Variants in DPP6 observed in about 807,000 individuals in gnomAD.
DPP6 encodes A-type potassium channel modulatory protein DPP6.
DPP6 carries 69 observed loss-of-function variants against 122.6 expected under a neutral mutation model. The ratio of observed to expected loss-of-function variants is 0.56; its 90% CI spans 0.46 to 0.69. The LOEUF (loss-of-function observed/expected upper bound fraction) is 0.69, where lower values mean the gene tolerates loss of function less well. Among genes scored for constraint, DPP6 ranks in the 30% least tolerant of loss-of-function variants. The pLI is 0.00. For synonymous variants in DPP6, 418 were observed against 433.1 expected (o/e 0.97, Z 0.43); for missense variants, 928 against 1,116.9 (o/e 0.83, Z 2.41).
intron 1 of DPP6, among the ~76,000 whole-genome samples, chr7:154,346,171 C>T (rs1810378241): frequency 6.6e-6 from 1 of 152,204 alleles, no homozygotes; most frequent in Non-Finnish European, 1.5e-5. Context: ...GTATATCTCA[C>T]TCTTTCTCAG....
rs532708495 is a variant in DPP6 at position 154,286,369 on chromosome 7, A to T, written c.244-159845A>T. Among the ~76,000 whole-genome samples, 5 of 152,276 alleles carry T rather than the reference A, an allele frequency of 3.3e-5. No individual in the cohort carries two copies. The South Asian group carries it at 8.3e-4, about 25-fold the overall frequency. On this transcript the variant is annotated intron_variant, in intron 1 of 25. Transcript: ENST00000377770. ...TCATGTGCATTCAGGACAGACATTGAGGCTTAGGGTCAGGCTGTAGGTGGC... is the reference window on the plus strand; with the variant it reads ...TCATGTGCATTCAGGACAGACATTGTGGCTTAGGGTCAGGCTGTAGGTGGC...
At chr7:154,148,091 T>C (rs543211501) in intron 1 of DPP6, among the ~76,000 whole-genome samples, 3 of 148,374 alleles carry the variant, frequency 2.0e-5, no homozygotes, top group African/African-American at 7.9e-5. Flanking sequence ...GCTGAGGTCC[T>C]ATGGCCGCTC....
At chr7:154,767,512 C>T (rs1029851971) in intron 8 of DPP6, among the ~76,000 whole-genome samples, 1 of 152,256 alleles carries the variant, frequency 6.6e-6, no homozygotes, top group Non-Finnish European at 1.5e-5. Context: ...GCTGCCAAAG[C>T]GACTGGAAAA....
chr7:153,945,552 T>A (rs866277324), intron 1 of DPP6, among the ~76,000 whole-genome samples: 36 of 152,294 alleles, frequency 2.4e-4, no homozygotes, highest in Admixed American at 5.2e-4. Context: ...AGAGAGCACC[T>A]CGTATAAGAA....
intron 1 of DPP6, among the ~76,000 whole-genome samples, chr7:154,046,847 C>T (rs1208556447): frequency 1.3e-5 from 2 of 152,172 alleles, no homozygotes; most frequent in African/African-American, 4.8e-5. Flanking sequence ...TCCAGATGCA[C>T]ATTTTAGAAA....
chr7:153,953,563 C>T (rs192856680), intron 1 of DPP6, among the ~76,000 whole-genome samples: 1 of 152,294 alleles, frequency 6.6e-6, no homozygotes, highest in East Asian at 1.9e-4. Context: ...TGTGCCCTCG[C>T]TGCATGGGCC....
chr7:154,579,356 AAAAAG>A (rs1367301420), intron 5 of DPP6, among the ~76,000 whole-genome samples: 1 of 152,178 alleles, frequency 6.6e-6, no homozygotes, highest in Non-Finnish European at 1.5e-5. Context: ...TCTCAAAATA[AAAAAG>A]AAAAGAAAAA....
intron 1 of DPP6, among the ~76,000 whole-genome samples, chr7:154,266,993 C>A (rs1159406878): frequency 6.6e-6 from 1 of 152,118 alleles, no homozygotes; most frequent in East Asian, 1.9e-4. Context: ...AAACATCCTC[C>A]TTTTCCAACT....
intron 1 of DPP6, among the ~76,000 whole-genome samples, chr7:154,280,966 C>G (rs1248935435): frequency 2.0e-5 from 3 of 150,720 alleles, no homozygotes; most frequent in Non-Finnish European, 4.4e-5. Flanking sequence ...GTAACAAGAA[C>G]ACAATTTTAT....
chr7:154,765,345 A>T (rs749424285), intron 8 of DPP6, among the ~76,000 whole-genome samples: 34 of 152,178 alleles, frequency 2.2e-4, no homozygotes, highest in Non-Finnish European at 3.2e-4. Context: ...AGCAGCACAC[A>T]CATGCGCACA....
At chr7:154,724,860 C>T (rs752833352) in intron 7 of DPP6, among the ~76,000 whole-genome samples, 1 of 152,108 alleles carries the variant, frequency 6.6e-6, no homozygotes, top group Non-Finnish European at 1.5e-5. Context: ...GTGATGGTTG[C>T]ACAAAAATAT....
At chr7:154,339,491 C>G (rs1292306363) in intron 1 of DPP6, among the ~76,000 whole-genome samples, 1 of 152,186 alleles carries the variant, frequency 6.6e-6, no homozygotes, top group African/African-American at 2.4e-5. Context: ...GTCTACTTCC[C>G]GTAGGCTCCT....
At chr7:154,554,416 A>T (rs543860992) in intron 4 of DPP6, among the ~76,000 whole-genome samples, 1 of 152,056 alleles carries the variant, frequency 6.6e-6, no homozygotes, top group Admixed American at 6.6e-5. Flanking sequence ...GGGTATATTT[A>T]TGCTTTCTAC....
intron 1 of DPP6, among the ~76,000 whole-genome samples, chr7:154,015,511 T>A (rs112851305): frequency 6.6e-6 from 1 of 152,160 alleles, no homozygotes; most frequent in South Asian, 2.1e-4. Context: ...TGTGCTCGCT[T>A]ACATGTGGCC....
intron 1 of DPP6, among the ~76,000 whole-genome samples, chr7:153,928,421 T>TTTTTTTTTTTTTTTTTTTTTTA (rs1801021824): frequency 8.4e-6 from 1 of 119,706 alleles, no homozygotes; most frequent in Non-Finnish European, 1.7e-5. Context: ...TTTTTTTTTT[T>TTTTTTTTTTTTTTTTTTTTTTA]GGTAGAGACA....
intron 1 of DPP6, among the ~76,000 whole-genome samples, chr7:154,170,572 T>A (rs1280885003): frequency 6.6e-6 from 1 of 152,182 alleles, no homozygotes; most frequent in African/African-American, 2.4e-5. Context: ...AGGTTCCTTA[T>A]TTATTACAAT....
the DPP6 span, among the ~76,000 whole-genome samples, chr7:153,809,359 TG>T: frequency 6.6e-6 from 1 of 150,914 alleles, no homozygotes; most frequent in Non-Finnish European, 1.5e-5. Context: ...TGTTAGCCTT[TG>T]CTCAGTTCTA....
intron 11 of DPP6, among the ~76,000 whole-genome samples, chr7:154,795,113 G>C (rs1458313215): frequency 6.6e-6 from 1 of 152,082 alleles, no homozygotes; most frequent in African/African-American, 2.4e-5. Flanking sequence ...AGGAACGTGA[G>C]GACACAAAGC....
chr7:154,840,294 T>C (rs1419802715), intron 16 of DPP6, among the ~76,000 whole-genome samples: 6 of 152,116 alleles, frequency 3.9e-5, no homozygotes, highest in Admixed American at 3.3e-4. Context: ...CCACCCACAT[T>C]CCTCCATTCT....
Sources: allele counts gnomAD v4.1 joint callset (sites outside exome capture counted in the v4.1 genomes callset), GRCh38; gene constraint gnomAD v4.1.1; transcripts MANE v1.5; gene names NCBI Gene and HGNC (gene_info 2026-07-23, HGNC 2026-07-21).